MSH4: variants seen among roughly 807,000 people sequenced by gnomAD.
MSH4 encodes mutS protein homolog 4.
A neutral mutation model predicts 113.7 loss-of-function variants in MSH4; 106 were observed. The ratio of observed to expected loss-of-function variants is 0.93; its 90% CI spans 0.80 to 1.10. MSH4 has a LOEUF of 1.10. MSH4 is among the 50% of genes least tolerant of loss of function. MSH4 has a pLI of 0.00. For missense variants in MSH4, 1,061 were observed against 1,093.7 expected, an observed-to-expected ratio of 0.97 and a Z score of 0.42; for synonymous variants, 368 against 380.2, an observed-to-expected ratio of 0.97 and a Z score of 0.37.
chr1:75,883,805 G>C lies in MSH4; in HGVS notation c.2091G>C (p.Gln697His). ...ATTTAAAACAGATTGCTCTTTGTCA[G>C]ATTATGGCCCAGATTGGTAAGTTAT... ...STYLKQIALC[Q>H]IMAQIGSYVP... Residue 697 changes from glutamine (Q) to histidine (H), a missense_variant, in exon 15 of 20, where the codon CAG becomes CAC. Transcript: ENST00000263187. 1 of 1,612,262 alleles carries C rather than the reference G, an allele frequency of 6.2e-7. No individual in the cohort carries two copies. Among genetic ancestry groups the C allele is most frequent in the Non-Finnish European group, 8.5e-7 (1 of 1,179,212 alleles).
At chr1:75,878,784 T>TGTGC (rs1651868413) in intron 11 of MSH4, among the ~76,000 whole-genome samples, 1 of 151,606 alleles carries the variant, frequency 6.6e-6, no homozygotes, top group Non-Finnish European at 1.5e-5. Context: ...AAGTTATGAT[T>TGTGC]GTGCCACTGT....
chr1:75,881,040 C>T lies in MSH4; in HGVS notation c.1782-206C>T, dbSNP rs1341073144. On this transcript the variant is annotated intron_variant, in intron 13 of 19. Coordinates refer to ENST00000263187, the MANE Select transcript of MSH4 (RefSeq NM_002440.4). ...AATACACAAGAAGATAGATTCTTTG[C>T]CACTAAGTAGCTGTGATCTTGAGCA... Among the ~76,000 whole-genome samples, 3 of 151,876 alleles carry T rather than the reference C, an allele frequency of 2.0e-5. No individual in the cohort carries two copies. In the East Asian group the frequency reaches 5.8e-4, roughly 29 times the overall value.
chr1:75,911,238 A>G (rs1263028767), intron 19 of MSH4, among the ~76,000 whole-genome samples: 1 of 151,844 alleles, frequency 6.6e-6, no homozygotes. Flanking sequence ...ACATAATATC[A>G]CTCGGTTTCA....
At chr1:75,842,069 CATCA>C (rs1244498434) in intron 7 of MSH4, among the ~76,000 whole-genome samples, 1 of 152,126 alleles carries the variant, frequency 6.6e-6, no homozygotes, top group Non-Finnish European at 1.5e-5. Context: ...AGGCATGAGA[CATCA>C]ATCAAATACA....
chr1:75,881,508 C>G (rs1651932231), intron 14 of MSH4, 138 bp downstream of exon 14: 1 of 814,612 alleles, frequency 1.2e-6, no homozygotes, highest in East Asian at 3.3e-5. Context: ...GACTAAGACA[C>G]AAAATAAAGA....
chr1:75,807,162 A>G (rs781146204), intron 3 of MSH4, 21 bp downstream of exon 3: 2 of 1,501,800 alleles, frequency 1.3e-6, no homozygotes, highest in South Asian at 2.8e-5. Flanking sequence ...ATAATTCTAG[A>G]AAATGGTTGC....
chr1:75,807,923 T>C (rs1650103324), intron 3 of MSH4, among the ~76,000 whole-genome samples: 1 of 152,168 alleles, frequency 6.6e-6, no homozygotes, highest in African/African-American at 2.4e-5. Flanking sequence ...TGTCTCTCTC[T>C]AAGAGCTGGG....
intron 6 of MSH4, among the ~76,000 whole-genome samples, chr1:75,816,953 G>T (rs1447591394): frequency 1.3e-5 from 2 of 152,068 alleles, no homozygotes; most frequent in Admixed American, 1.3e-4. Context: ...ATTTGATGGA[G>T]AATTTTATTT....
At chr1:75,857,463 T>C (rs1336041774) in intron 8 of MSH4, among the ~76,000 whole-genome samples, 1 of 152,198 alleles carries the variant, frequency 6.6e-6, no homozygotes, top group Non-Finnish European at 1.5e-5. Flanking sequence ...TTTATTTTTG[T>C]ATAAGGTGTA....
intron 7 of MSH4, among the ~76,000 whole-genome samples, chr1:75,846,302 A>T (rs5745398): frequency 6.6e-6 from 1 of 152,228 alleles, no homozygotes; most frequent in South Asian, 2.1e-4. Context: ...CCCCAAACAT[A>T]CATTTTATGT....
intron 9 of MSH4, among the ~76,000 whole-genome samples, chr1:75,871,204 T>C (rs1020356638): frequency 5.3e-5 from 8 of 152,110 alleles, no homozygotes; most frequent in African/African-American, 1.9e-4. Flanking sequence ...CGATCAGATC[T>C]GATGAGAACT....
At chr1:75,806,838 T>A in intron 2 of MSH4, 143 bp from the exon 3 acceptor site, 1 of 681,368 alleles carries the variant, frequency 1.5e-6, no homozygotes, top group Non-Finnish European at 2.3e-6. Flanking sequence ...ATAGATCCTT[T>A]AGGGAGAATT....
intron 1 of MSH4, among the ~76,000 whole-genome samples, chr1:75,801,109 A>T (rs1040260427): frequency 6.6e-6 from 1 of 152,252 alleles, no homozygotes; most frequent in Non-Finnish European, 1.5e-5. Context: ...TTTAGAATTC[A>T]ATATGTAGAA....
chr1:75,860,098 T>C (rs1384004078), intron 8 of MSH4, among the ~76,000 whole-genome samples: 1 of 152,146 alleles, frequency 6.6e-6, no homozygotes, highest in Non-Finnish European at 1.5e-5. Flanking sequence ...GCTTTTTTTT[T>C]TGCTTTCCAT....
intron 6 of MSH4, among the ~76,000 whole-genome samples, chr1:75,818,474 G>A (rs1650336154): frequency 6.6e-6 from 1 of 152,190 alleles, no homozygotes; most frequent in African/African-American, 2.4e-5. Context: ...GTTGTAAAAT[G>A]ATGTGGCCAA....
chr1:75,896,306 A>C (rs1444561924), intron 17 of MSH4, among the ~76,000 whole-genome samples: 1 of 150,256 alleles, frequency 6.7e-6, no homozygotes, highest in South Asian at 2.1e-4. Flanking sequence ...CCATAATTGC[A>C]TGAGCCAATT....
chr1:75,824,465 G>A (rs767663345), intron 7 of MSH4, among the ~76,000 whole-genome samples: 13 of 152,136 alleles, frequency 8.5e-5, no homozygotes, highest in Non-Finnish European at 1.2e-4. Context: ...GAGCAGAAGC[G>A]CTTTAGTTTA....
intron 12 of MSH4, 51 bp downstream of exon 12, chr1:75,879,179 C>A: frequency 6.5e-7 from 1 of 1,539,262 alleles, no homozygotes; most frequent in Non-Finnish European, 8.9e-7. Flanking sequence ...TATAGAATTA[C>A]ATCTACATAT....
chr1:75,901,509 A>G (rs1225383779), intron 19 of MSH4, among the ~76,000 whole-genome samples: 1 of 152,182 alleles, frequency 6.6e-6, no homozygotes, highest in Non-Finnish European at 1.5e-5. Flanking sequence ...TTTTGGCTGA[A>G]TAATATTCCA....
Sources: gnomAD v4.1 joint callset for allele counts (sites outside exome capture counted in the v4.1 genomes callset) on GRCh38, gnomAD v4.1.1 for gene constraint, MANE v1.5 for transcripts, NCBI Gene and HGNC (gene_info 2026-07-23, HGNC 2026-07-21) for gene names.